Variants in MARCHF1 observed in about 807,000 individuals in gnomAD.
MARCHF1 encodes membrane associated ring-CH-type finger 1, also known as E3 ubiquitin-protein ligase MARCHF1.
Under a neutral mutation model 54.2 loss-of-function variants are expected in MARCHF1, and 40 were observed. The observed-to-expected ratio is 0.74, with a 90% confidence interval of 0.57 to 0.96. The LOEUF is 0.96. Ranked by LOEUF, MARCHF1 falls within the 40% of genes least tolerant of loss-of-function variation. The pLI is 0.00. For synonymous variants in MARCHF1, 236 were observed against 236.3 expected, an observed-to-expected ratio of 1.00 and a Z score of 0.01; for missense variants, 586 against 656.5, an observed-to-expected ratio of 0.89 and a Z score of 1.17.
At chr4:164,049,407 C>A (rs545663736) in intron 2 of MARCHF1, among the ~76,000 whole-genome samples, 57 of 152,156 alleles carry the variant, frequency 3.7e-4, no homozygotes, top group African/African-American at 1.3e-3. Flanking sequence ...CATATCAATT[C>A]ATCTCAACAA....
At position 163,929,350 on chromosome 4, in the gene MARCHF1, A is replaced by C. The variant is rs1306169729; in HGVS notation, c.-39+59151T>G. On this transcript the variant is annotated intron_variant, in intron 3 of 9. Transcript: ENST00000514618. ...GAATTATTATAGGCAAAGCACTTAAAGCAGTGCCTGTACAGAGAACAAAAA... is the reference window on the plus strand; with the variant it reads ...GAATTATTATAGGCAAAGCACTTAACGCAGTGCCTGTACAGAGAACAAAAA... 3.3e-5 allele frequency among the ~76,000 whole-genome samples: 5 copies of C among 152,192 alleles called. No homozygotes were observed. In the South Asian group the frequency reaches 1.0e-3, roughly 32 times the overall value.
chr4:163,953,562 T>C (rs1020990256), intron 3 of MARCHF1, among the ~76,000 whole-genome samples: 1 of 152,154 alleles, frequency 6.6e-6, no homozygotes. Context: ...ATATTATAGA[T>C]ACAAGAAATT....
chr4:163,639,118 C>T (rs938403772), intron 5 of MARCHF1, among the ~76,000 whole-genome samples: 7 of 152,082 alleles, frequency 4.6e-5, no homozygotes, highest in Non-Finnish European at 1.0e-4. Flanking sequence ...GATTACACAA[C>T]AATGTGAATG....
chr4:163,981,350 C>T (rs1170648448), intron 3 of MARCHF1, among the ~76,000 whole-genome samples: 2 of 152,274 alleles, frequency 1.3e-5, no homozygotes, highest in Middle Eastern at 3.4e-3. Context: ...TGAAAGATGA[C>T]AGGCTGAAAG....
At chr4:164,082,356 G>A (rs2111115779) in intron 2 of MARCHF1, among the ~76,000 whole-genome samples, 1 of 152,136 alleles carries the variant, frequency 6.6e-6, no homozygotes, top group East Asian at 1.9e-4. Flanking sequence ...CAATTTACAG[G>A]CCCCATTATA....
At chr4:164,039,618 C>G (rs371964441) in intron 2 of MARCHF1, among the ~76,000 whole-genome samples, 5 of 152,054 alleles carry the variant, frequency 3.3e-5, no homozygotes, top group Admixed American at 6.5e-5. Flanking sequence ...TATGAAATTT[C>G]ATCCATTATT....
chr4:163,715,285 A>G (rs1745223348), intron 4 of MARCHF1, among the ~76,000 whole-genome samples: 1 of 152,184 alleles, frequency 6.6e-6, no homozygotes, highest in Non-Finnish European at 1.5e-5. Context: ...TCGCTCTGTC[A>G]CCCAGGCTGG....
chr4:164,379,978 G>GAA (rs200540512), intron 1 of MARCHF1, among the ~76,000 whole-genome samples: 31 of 139,062 alleles, frequency 2.2e-4, no homozygotes, highest in Admixed American at 8.5e-4. Context: ...ACAACATGTT[G>GAA]AAAAAAAAAA....
intron 8 of MARCHF1, chr4:163,585,143 A>G (rs920475132): frequency 6.6e-5 from 10 of 152,338 alleles, no homozygotes; most frequent in African/African-American, 2.2e-4. Flanking sequence ...GAAGACAAAC[A>G]TTACAGATAC....
At chr4:163,546,894 A>G (rs1440578507) in intron 8 of MARCHF1, among the ~76,000 whole-genome samples, 1 of 152,208 alleles carries the variant, frequency 6.6e-6, no homozygotes, top group Admixed American at 6.5e-5. Flanking sequence ...TAGCTACAGT[A>G]TCACTTCATT....
At chr4:164,001,569 G>A (rs577786250) in intron 2 of MARCHF1, among the ~76,000 whole-genome samples, 1 of 151,844 alleles carries the variant, frequency 6.6e-6, no homozygotes, top group African/African-American at 2.4e-5. Flanking sequence ...TTGTACAATA[G>A]GCAGCACAGA....
At chr4:163,865,455 T>C (rs927664863) in intron 3 of MARCHF1, among the ~76,000 whole-genome samples, 6 of 152,018 alleles carry the variant, frequency 3.9e-5, no homozygotes, top group East Asian at 3.9e-4. Context: ...GCCTGCATCT[T>C]AAAAGCCATT....
rs1318244538 is a variant in MARCHF1, at chr4:163,595,075, GA to G, written c.1011-9147del. Among the ~76,000 whole-genome samples, 4 of 150,166 alleles carry G rather than the reference GA, an allele frequency of 2.7e-5. No individual in the cohort carries two copies. In the East Asian group the frequency reaches 7.9e-4, roughly 30 times the overall value. ...GTCCATCAACTTATCAATAGAGAAAGAAAATATGGTATAAGCCAGCGAGTGG... is the reference window on the plus strand; with the variant it reads ...GTCCATCAACTTATCAATAGAGAAAGAAATATGGTATAAGCCAGCGAGTGG... On this transcript the variant is annotated intron_variant, in intron 7 of 9. Coordinates refer to ENST00000514618, the MANE Select transcript of MARCHF1 (RefSeq NM_001394959.1).
intron 1 of MARCHF1, among the ~76,000 whole-genome samples, chr4:164,366,454 T>G (rs930952140): frequency 6.6e-6 from 1 of 152,036 alleles, no homozygotes; most frequent in African/African-American, 2.4e-5. Flanking sequence ...TTGTATTTTT[T>G]TCTTTTTCTG....
chr4:163,951,628 C>T (rs180845364), intron 3 of MARCHF1, among the ~76,000 whole-genome samples: 41 of 152,268 alleles, frequency 2.7e-4, no homozygotes, highest in African/African-American at 4.1e-4. Context: ...GTAAAGCAGA[C>T]GGGACCAGAG....
At chr4:163,633,461 G>C (rs2111002257) in intron 5 of MARCHF1, among the ~76,000 whole-genome samples, 1 of 152,280 alleles carries the variant, frequency 6.6e-6, no homozygotes, top group Non-Finnish European at 1.5e-5. Context: ...AGAAGCCTCA[G>C]GAGCCGATGC....
At chr4:163,636,169 G>A (rs983528493) in intron 5 of MARCHF1, among the ~76,000 whole-genome samples, 14 of 152,000 alleles carry the variant, frequency 9.2e-5, no homozygotes, top group African/African-American at 2.2e-4. Flanking sequence ...GAAGCATTCC[G>A]TTTGAAAACC....
At chr4:164,297,231 C>T (rs188276007) in intron 1 of MARCHF1, among the ~76,000 whole-genome samples, 100 of 152,104 alleles carry the variant, frequency 6.6e-4, no homozygotes, top group African/African-American at 2.2e-3. Flanking sequence ...GATGGAGCCT[C>T]GAATGGTCAG....
chr4:163,636,917 G>A (rs1308987306), intron 5 of MARCHF1, among the ~76,000 whole-genome samples: 2 of 152,104 alleles, frequency 1.3e-5, no homozygotes, highest in Admixed American at 6.5e-5. Flanking sequence ...AATGGAACAG[G>A]ACAGAGCCCT....
Sources: gnomAD v4.1 joint callset for allele counts (sites outside exome capture counted in the v4.1 genomes callset) on GRCh38, gnomAD v4.1.1 for gene constraint, MANE v1.5 for transcripts, NCBI Gene and HGNC (gene_info 2026-07-23, HGNC 2026-07-21) for gene names.